The following SDK1 variants were observed in gnomAD, a reference collection of about 807,000 sequenced individuals.
SDK1 encodes sidekick cell adhesion molecule 1.
Under a neutral mutation model 245.5 loss-of-function variants are expected in SDK1, and 157 were observed. That is an observed-to-expected ratio of 0.64 (90% CI 0.56 to 0.73). The LOEUF (loss-of-function observed/expected upper bound fraction) is 0.73, where lower values mean the gene tolerates loss of function less well. Among genes scored for constraint, SDK1 ranks in the 30% least tolerant of loss-of-function variants. The probability of loss-of-function intolerance (pLI) is 0.00; values close to 1 mark genes in which losing one functional copy is unlikely to be tolerated. For missense variants in SDK1, 3,583 were observed against 3,002.3 expected, an observed-to-expected ratio of 1.19 and a Z score of -4.52; for synonymous variants, 1,647 against 1,278.5, an observed-to-expected ratio of 1.29 and a Z score of -6.15.
intron 14 of SDK1, among the ~76,000 whole-genome samples, chr7:3,999,139 C>A (rs1431903018): frequency 6.6e-6 from 1 of 152,164 alleles, no homozygotes. Context: ...CACACACACA[C>A]ACGCACACAC....
At chr7:3,670,230 G>A (rs1037214240) in intron 4 of SDK1, among the ~76,000 whole-genome samples, 1 of 152,148 alleles carries the variant, frequency 6.6e-6, no homozygotes, top group African/African-American at 2.4e-5. Flanking sequence ...AAATCCATTA[G>A]TATATTAGTC....
At chr7:3,487,530 C>T (rs1781736978) in intron 1 of SDK1, among the ~76,000 whole-genome samples, 1 of 151,760 alleles carries the variant, frequency 6.6e-6, no homozygotes, top group Admixed American at 6.6e-5. Flanking sequence ...TCACCTGAGC[C>T]CAGGAGTTCG....
At position 4,191,142 on chromosome 7, in the gene SDK1, G is replaced by A. The variant is rs560260463; in HGVS notation, c.5098+12556G>A. ...TGAGACTGGCCCCAGGGACTCTGAG[G>A]TCCTGCCAGGCCAACCCCGCGGCGG... On this transcript the variant is annotated intron_variant, in intron 35 of 44. Transcript: ENST00000404826. Among the ~76,000 whole-genome samples the A allele has an allele frequency of 2.8e-4, 42 of 152,294 alleles. 1 individual carries two copies. Among genetic ancestry groups the A allele is most frequent in the South Asian group, 6.2e-4 (3 of 4,828 alleles).
chr7:3,670,190 A>T (rs529441193), intron 4 of SDK1, among the ~76,000 whole-genome samples: 4 of 152,320 alleles, frequency 2.6e-5, no homozygotes, highest in African/African-American at 9.6e-5. Context: ...ATATATTAAT[A>T]TGAACCTGAT....
chr7:3,812,868 C>A (rs1050801653), intron 4 of SDK1, among the ~76,000 whole-genome samples: 3 of 152,170 alleles, frequency 2.0e-5, no homozygotes, highest in African/African-American at 7.2e-5. Flanking sequence ...TTCATGCATT[C>A]CATTAATGAA....
chr7:4,085,094 T>C (rs1781345359), intron 22 of SDK1, among the ~76,000 whole-genome samples: 1 of 152,182 alleles, frequency 6.6e-6, no homozygotes, highest in Non-Finnish European at 1.5e-5. Context: ...TATTTTCCCT[T>C]ACTCTAAGAC....
chr7:3,576,384 G>A (rs1019902924), intron 1 of SDK1, among the ~76,000 whole-genome samples: 1 of 152,070 alleles, frequency 6.6e-6, no homozygotes, highest in African/African-American at 2.4e-5. Context: ...GAGATAAGCT[G>A]TGTGTTACCT....
chr7:4,187,504 C>G (rs1394001661), intron 35 of SDK1, among the ~76,000 whole-genome samples: 1 of 152,218 alleles, frequency 6.6e-6, no homozygotes, highest in Non-Finnish European at 1.5e-5. Context: ...ATTCCTCTTT[C>G]CTCCTGCTTT....
At chr7:4,094,181 C>A (rs187820402) in intron 22 of SDK1, among the ~76,000 whole-genome samples, 93 of 152,186 alleles carry the variant, frequency 6.1e-4, no homozygotes, top group Non-Finnish European at 4.9e-4. Context: ...CTCAGCCTCC[C>A]GAGTAGAGTG....
intron 1 of SDK1, among the ~76,000 whole-genome samples, chr7:3,530,931 A>T (rs1783323524): frequency 6.6e-6 from 1 of 152,222 alleles, no homozygotes. Context: ...TTTGATTTGC[A>T]GTGAGAAGTC....
chr7:3,696,312 C>T (rs1025265284), intron 4 of SDK1, among the ~76,000 whole-genome samples: 10 of 152,072 alleles, frequency 6.6e-5, no homozygotes, highest in African/African-American at 2.2e-4. Flanking sequence ...ATCACGTGAT[C>T]TCTGCTTGTA....
intron 39 of SDK1, 100 bp downstream of exon 39, chr7:4,220,370 T>G: frequency 7.5e-7 from 1 of 1,326,632 alleles, no homozygotes; most frequent in Non-Finnish European, 1.0e-6. Flanking sequence ...AACAAGGTGA[T>G]GTTGGCGGCC....
chr7:3,462,114 C>T (rs901697673), intron 1 of SDK1, among the ~76,000 whole-genome samples: 12 of 152,086 alleles, frequency 7.9e-5, no homozygotes, highest in South Asian at 2.1e-4. Flanking sequence ...ATGTGGTTTC[C>T]GCTTCTGTCA....
intron 1 of SDK1, among the ~76,000 whole-genome samples, chr7:3,394,117 G>A (rs1396981622): frequency 6.6e-6 from 1 of 151,648 alleles, no homozygotes; most frequent in African/African-American, 2.4e-5. Flanking sequence ...AGATCCAGAA[G>A]AACTCTCTGG....
intron 5 of SDK1, among the ~76,000 whole-genome samples, chr7:3,890,375 A>G (rs370601479): frequency 2.6e-5 from 4 of 152,214 alleles, no homozygotes; most frequent in South Asian, 2.1e-4. Flanking sequence ...ATGATCTCAC[A>G]TTTATGTTTT....
In SDK1 at chr7:3,791,450, A is replaced by G. The variant is rs541707853; in HGVS notation, c.714-30000A>G. 1.4e-3 allele frequency among the ~76,000 whole-genome samples: 212 copies of G among 152,326 alleles called. 3 individuals are homozygous for G. The highest frequency in any genetic ancestry group is 4.5e-3 in the African/African-American group (188 of 41,580). ...TAAGGAAAGACTGACTTCGTGGCAG[A>G]TGGTCATTCTAAGGTTCCCTCAGGG... On this transcript the variant is annotated intron_variant, in intron 4 of 44. Transcript: ENST00000404826.
intron 5 of SDK1, among the ~76,000 whole-genome samples, chr7:3,948,726 C>A (rs1780677192): frequency 6.6e-6 from 1 of 152,210 alleles, no homozygotes; most frequent in African/African-American, 2.4e-5. Context: ...CAGCACAGCC[C>A]CTTGGAGTCT....
chr7:3,990,622 C>G (rs1053194032), intron 14 of SDK1, among the ~76,000 whole-genome samples: 1 of 152,200 alleles, frequency 6.6e-6, no homozygotes, highest in Non-Finnish European at 1.5e-5. Flanking sequence ...ACCCTAAGGA[C>G]AGCCCCCATC....
chr7:4,158,692 C>T (rs1780926923), intron 31 of SDK1, 141 bp downstream of exon 31: 4 of 620,572 alleles, frequency 6.4e-6, no homozygotes, highest in African/African-American at 3.7e-5. Flanking sequence ...TGACAGACAG[C>T]TCGGAGGGTT....
Sources: gnomAD v4.1 joint callset for allele counts (sites outside exome capture counted in the v4.1 genomes callset) on GRCh38, gnomAD v4.1.1 for gene constraint, MANE v1.5 for transcripts, NCBI Gene and HGNC (gene_info 2026-07-23, HGNC 2026-07-21) for gene names.